FDXACB1: variants seen among roughly 807,000 people sequenced by gnomAD.
The protein encoded by FDXACB1 is ferredoxin-fold anticodon binding domain containing 1.
Under a neutral mutation model 51.7 loss-of-function variants are expected in FDXACB1, and 41 were observed. The observed-to-expected ratio is 0.79, with a 90% CI of 0.62 to 1.03. The LOEUF is 1.03. FDXACB1 is among the 50% of genes least tolerant of loss of function. The probability of loss-of-function intolerance (pLI) is 0.00; values close to 1 mark genes in which losing one functional copy is unlikely to be tolerated. For synonymous variants in FDXACB1, 273 were observed against 278.6 expected (o/e 0.98, Z 0.20); for missense variants, 697 against 746.4 (o/e 0.93, Z 0.77).
rs375155546 is a variant in FDXACB1 at position 111,875,393 on chromosome 11, C to T, written c.1404G>A (p.Gly468=). 9.3e-6 allele frequency: 15 copies of T among 1,613,646 alleles called. No individual in the cohort carries two copies. The African/African-American group carries it at 1.3e-4, about 14-fold the overall frequency. ...SPDCTEDLII[G]SVITSATSVI... ...CACTAGTGGCAGATGTGATAACAGA[C>T]CCAATAATTAGATCCTCAGTACAAT... The change falls in exon 5 of 5, where the codon GGG becomes GGA. Residue 468 remains glycine (G), a synonymous_variant. Coordinates refer to ENST00000260257, the MANE Select transcript of FDXACB1 (RefSeq NM_138378.3).
At position 111,878,571 on chromosome 11, in the gene FDXACB1, G is replaced by A; in HGVS notation, c.314C>T (p.Ala105Val). Residue 105 changes from alanine (A) to valine (V), a missense_variant, in exon 2 of 5, where the codon GCC (alanine) becomes GTC (valine). By Grantham distance (64) the Ala-to-Val change is moderately conservative. Coordinates refer to ENST00000260257, the MANE Select transcript of FDXACB1 (RefSeq NM_138378.3). ...AGVAKNRELL[A>V]KFFQSCADVL... ...CTTTCCTCACCTTTGGAAAAATTTG[G>A]CAAGCAGTTCCCTGTTCTTAGCTAC... 6.3e-7 allele frequency: 1 copy of A among 1,593,308 alleles called. No individual in the cohort carries two copies. The highest frequency in any genetic ancestry group is 1.1e-5 in the South Asian group (1 of 87,840).
In FDXACB1 at chr11:111,879,086, A is replaced by G; in HGVS notation, c.47T>C (p.Phe16Ser). The change falls in exon 1 of 5, where the codon TTC becomes TCC. Residue 16 changes from phenylalanine (F) to serine (S), a missense_variant. Physicochemically the swap from Phe to Ser is radical, Grantham distance 155. This residue lies in a region of FDXACB1 where 153 missense variants were observed against 133.5 expected (regional missense o/e 1.15). Coordinates refer to ENST00000260257, the MANE Select transcript of FDXACB1 (RefSeq NM_138378.3). The stretch of plus-strand genomic sequence containing the variant: ...CAGGGTTTCGCTCAGAGCGGCGGCG[A>G]AGGAGAAATTCCCCTCCCCAACCAA... ...LLLVGEGNFS[F>S]AAALSETLDQ... The G allele has an allele frequency of 1.2e-6, 2 of 1,613,184 alleles. No homozygotes were observed. The highest frequency in any genetic ancestry group is 1.7e-6 in the Non-Finnish European group (2 of 1,179,634).
At position 111,878,221 on chromosome 11, in the gene FDXACB1, AT is replaced by A. The variant is rs575494634; in HGVS notation, c.329+334del. Among the ~76,000 whole-genome samples the A allele has an allele frequency of 7.9e-5, 12 of 152,232 alleles. No homozygotes were observed. The East Asian group carries it at 1.4e-3, about 17-fold the overall frequency. ...AATAAAAATAAATAAAAATAAAAAA[AT>A]AACAACTGTTAAGTGGTGGGCTGGG... On this transcript the variant is annotated intron_variant, in intron 2 of 4. Coordinates refer to ENST00000260257, the MANE Select transcript of FDXACB1 (RefSeq NM_138378.3).
Position 111,876,939 on chromosome 11 carries a change from C to T in FDXACB1, c.402G>A (p.Ala134=), listed in dbSNP as rs782270703. 16 of 1,609,382 alleles carry T rather than the reference C, an allele frequency of 9.9e-6. No individual in the cohort carries two copies. The highest frequency in any genetic ancestry group is 3.4e-5 in the Admixed American group (2 of 59,226). Residue 134 remains alanine, a synonymous_variant, in exon 3 of 5, where the codon GCG becomes GCA. Transcript: ENST00000260257. ...ALCRGQGGTP[A]DKPQREWHNS... ...TGTGCCATTCTCTCTGGGGCTTATCCGCAGGAGTTCCACCTTGTCCTCTAC... is the reference window on the plus strand; with the variant it reads ...TGTGCCATTCTCTCTGGGGCTTATCTGCAGGAGTTCCACCTTGTCCTCTAC...
At position 111,875,443 on chromosome 11, in the gene FDXACB1, C is replaced by G. The variant is rs1365199954; in HGVS notation, c.1354G>C (p.Val452Leu). The G allele has an allele frequency of 6.2e-7, 1 of 1,613,164 alleles. No individual in the cohort carries two copies. Among genetic ancestry groups the G allele is most frequent in the Non-Finnish European group, 8.5e-7 (1 of 1,179,820 alleles). The change falls in exon 5 of 5, where the codon GTG becomes CTG. Residue 452 changes from valine (V) to leucine (L), a missense_variant. Val to Leu is a conservative substitution (Grantham distance 32). This residue lies in a region of FDXACB1 where 538 missense variants were observed against 592.2 expected (regional missense o/e 0.91). Transcript: ENST00000260257. ...TCTGGGCTAAAATTATGAGTCTTCA[C>G]ACGAATCATATAATCCTTTCCATTT... is the stretch of plus-strand genomic sequence containing the variant. ...QSNGKDYMIR[V>L]KTHNFSPDCT...
rs1555162073 is a variant in FDXACB1 at position 111,875,907 on chromosome 11, T to C, written c.890A>G (p.Asn297Ser). ...AAFWISLHEDNSNSESLTGGT... is the reference protein window; with the variant it reads ...AAFWISLHEDSSNSESLTGGT... ...ACCAGTCAGGGACTCAGAATTTGAG[T>C]TATCTTCATGGAGACTAATCCAAAA... Residue 297 changes from asparagine to serine, a missense_variant, in exon 5 of 5, where the codon AAC becomes AGC. By Grantham distance (46) the Asn-to-Ser change is conservative. This residue lies in a region of FDXACB1 where 538 missense variants were observed against 592.2 expected (regional missense o/e 0.91). Coordinates refer to ENST00000260257, the MANE Select transcript of FDXACB1 (RefSeq NM_138378.3). The C allele has an allele frequency of 6.2e-7, 1 of 1,613,924 alleles. No homozygotes were observed. The highest frequency in any genetic ancestry group is 8.5e-7 in the Non-Finnish European group (1 of 1,179,904).
chr11:111,875,397 A>G lies in FDXACB1; in HGVS notation c.1400T>C (p.Ile467Thr), dbSNP rs182775518. ...FSPDCTEDLI[I>T]GSVITSATSV... Reference sequence around the variant, plus strand: ...AGTGGCAGATGTGATAACAGACCCAATAATTAGATCCTCAGTACAATCTGG... The same window carrying G: ...AGTGGCAGATGTGATAACAGACCCAGTAATTAGATCCTCAGTACAATCTGG... The change falls in exon 5 of 5, where the codon ATT (isoleucine) becomes ACT (threonine). Residue 467 changes from isoleucine to threonine, a missense_variant. By Grantham distance (89) the Ile-to-Thr change is moderately conservative (BLOSUM62 -1). Around this residue, in one of 3 missense-constraint regions of FDXACB1, gnomAD observed 538 missense variants for 592.2 expected, o/e 0.91. Coordinates refer to ENST00000260257, the MANE Select transcript of FDXACB1 (RefSeq NM_138378.3). 2.5e-6 allele frequency: 4 copies of G among 1,613,774 alleles called. No individual in the cohort carries two copies. Among genetic ancestry groups the G allele is most frequent in the East Asian group, 4.5e-5 (2 of 44,880 alleles).
rs782260461 is a variant in FDXACB1 at position 111,879,007 on chromosome 11, A to C, written c.126T>G (p.Ala42=). The change falls in exon 1 of 5, where the codon GCT becomes GCG. Residue 42 remains alanine, a synonymous_variant. Transcript: ENST00000260257. ...GATTCTCCCAGGCCAGTGGATCCCG[A>C]GCCAACTCGGCCGGGCGCTGGAGGC... is the stretch of plus-strand genomic sequence containing the variant. ...ATCLQRPAEL[A]RDPLAWENLQ... is the part of the protein sequence containing the mutation. 2 of 1,612,720 alleles carry C rather than the reference A, an allele frequency of 1.2e-6. No homozygotes were observed. The highest frequency in any genetic ancestry group is 1.7e-6 in the Non-Finnish European group (2 of 1,179,518).
Position 111,878,622 on chromosome 11 carries a change from A to C in FDXACB1, c.263T>G (p.Phe88Cys). Residue 88 changes from phenylalanine to cysteine, a missense_variant, in exon 2 of 5, where the codon TTC becomes TGC. Around this residue, in one of 3 missense-constraint regions of FDXACB1, gnomAD observed 153 missense variants for 133.5 expected, o/e 1.15. Transcript: ENST00000260257. ...GCCAGCTTTGCGTCCACAATGCGGG[A>C]AGATGAAATAAATTTGATCAAATTC... ...EREFDQIYFI[F>C]PHCGRKAGVA... is the part of the protein sequence containing the mutation. 2 of 1,604,902 alleles carry C rather than the reference A, an allele frequency of 1.2e-6. No individual in the cohort carries two copies. The highest frequency in any genetic ancestry group is 1.7e-4 in the Middle Eastern group (1 of 6,054).
At position 111,874,624 on chromosome 11, in the gene FDXACB1, A is replaced by T; in HGVS notation, c.*298T>A. On this transcript the variant is annotated 3_prime_UTR_variant, in exon 5 of 5. Transcript: ENST00000260257. ...AAAAAAATTAGCCAGGCGTGGTGGC[A>T]GGTGCCTGTAGTCCCAGCTACTCGG... 4.0e-6 allele frequency: 1 copy of T among 251,472 alleles called. No individual in the cohort carries two copies. Among genetic ancestry groups the T allele is most frequent in the Non-Finnish European group, 7.6e-6 (1 of 131,608 alleles). The allele number at this position is 251,472 out of a possible 1,614,324, so 15.6% of individuals were successfully genotyped here.
At position 111,875,937 on chromosome 11, in the gene FDXACB1, G is replaced by A; in HGVS notation, c.860C>T (p.Ala287Val). The change falls in exon 5 of 5, where the codon GCT (alanine) becomes GTT (valine). Residue 287 changes from alanine (A) to valine (V), a missense_variant. Transcript: ENST00000260257. ...LPFWNCDFLS[A>V]AFWISLHEDN... ...TTCATGGAGACTAATCCAAAAAGCA[G>A]CTGACAGAAAGTCACAATTCCAGAA... is the stretch of plus-strand genomic sequence containing the variant. 2.5e-6 allele frequency: 4 copies of A among 1,613,920 alleles called. No homozygotes were observed. The highest frequency in any genetic ancestry group is 3.4e-6 in the Non-Finnish European group (4 of 1,179,886).
At chr11:111,878,879 T>C in intron 1 of FDXACB1, 82 bp downstream of exon 1, 1 of 1,532,652 alleles carries the variant, frequency 6.5e-7, no homozygotes, top group East Asian at 2.4e-5. Context: ...TCCACGTGGG[T>C]TACATCCCCA....
intron 2 of FDXACB1, among the ~76,000 whole-genome samples, chr11:111,877,512 CTTT>C (rs35506169): frequency 0.011 from 1,213 of 106,804 alleles, 8 homozygotes; most frequent in African/African-American, 0.039. Flanking sequence ...CTGTTAGTTA[CTTT>C]TTTTTTTTTT....
Position 111,874,785 on chromosome 11 carries a change from AC to A in FDXACB1, c.*136del. The A allele has an allele frequency of 1.3e-6, 1 of 764,604 alleles. No individual in the cohort carries two copies. Among genetic ancestry groups the A allele is most frequent in the Non-Finnish European group, 2.0e-6 (1 of 489,082 alleles). The allele number at this position is 764,604 out of a possible 1,614,324, so 47.4% of individuals were successfully genotyped here. Reference sequence around the variant, plus strand: ...CAAAAAAAAAAAAAAAAAAAGATCAACGAACAGTAGCTATGGTCACAAAGTA... The same window carrying A: ...CAAAAAAAAAAAAAAAAAAAGATCAAGAACAGTAGCTATGGTCACAAAGTA... On this transcript the variant is annotated 3_prime_UTR_variant, in exon 5 of 5. Transcript: ENST00000260257.
chr11:111,874,930 G>GTA lies in FDXACB1; in HGVS notation c.1865_1866dup (p.Pro623TyrfsTer38), dbSNP rs1964775815. 6.2e-7 allele frequency: 1 copy of GTA among 1,613,530 alleles called. No individual in the cohort carries two copies. The highest frequency in any genetic ancestry group is 1.1e-5 in the South Asian group (1 of 91,064). On this transcript the variant is annotated frameshift_variant, in exon 5 of 5. Coordinates refer to ENST00000260257, the MANE Select transcript of FDXACB1 (RefSeq NM_138378.3). LOFTEE classifies it high-confidence loss of function. ...GAAAAGGATTTACCAAACTACCGAG[G>GTA]TATAACATATAGGTGTTGTTGAATC...
At chr11:111,878,867 T>C (rs1964881130) in intron 1 of FDXACB1, 94 bp downstream of exon 1, 1 of 1,528,076 alleles carries the variant, frequency 6.5e-7, no homozygotes, top group African/African-American at 1.4e-5. Flanking sequence ...TCAAGAACAA[T>C]CTCCACGTGG....
chr11:111,877,395 T>C (rs1964837446), intron 2 of FDXACB1, among the ~76,000 whole-genome samples: 1 of 152,194 alleles, frequency 6.6e-6, no homozygotes, highest in South Asian at 2.1e-4. Flanking sequence ...ACCACCTCTG[T>C]CAAAACTTTA....
In FDXACB1 at chr11:111,876,561, T is replaced by A; in HGVS notation, c.612A>T (p.Gln204His). The change falls in exon 4 of 5, where the codon CAA (glutamine) becomes CAT (histidine). Residue 204 changes from glutamine (Q) to histidine (H), a missense_variant. Gln to His is a conservative substitution (Grantham distance 24, BLOSUM62 0). Around this residue, in one of 3 missense-constraint regions of FDXACB1, gnomAD observed 538 missense variants for 592.2 expected, o/e 0.91. Transcript: ENST00000260257. ...FTRSLPFEGS[Q>H]PRIFRIKLGN... The stretch of plus-strand genomic sequence containing the variant: ...CCAGTTTGATCCTGAAGATTCTGGG[T>A]TGAGAACCTTCAAAAGGTAAGCTCC... The A allele has an allele frequency of 6.2e-7, 1 of 1,614,034 alleles. No individual in the cohort carries two copies. Among genetic ancestry groups the A allele is most frequent in the Non-Finnish European group, 8.5e-7 (1 of 1,179,880 alleles).
At position 111,874,877 on chromosome 11, in the gene FDXACB1, A is replaced by T; in HGVS notation, c.*45T>A. On this transcript the variant is annotated 3_prime_UTR_variant, in exon 5 of 5. Transcript: ENST00000260257. ...TTGCAAGTTGGTAATTTTCCTCCAC[A>T]TCCCCCGCAATGAAGGATCACACTG... 2 of 1,538,146 alleles carry T rather than the reference A, an allele frequency of 1.3e-6. No homozygotes were observed. Among genetic ancestry groups the T allele is most frequent in the Non-Finnish European group, 1.8e-6 (2 of 1,128,836 alleles).
Sources: allele counts gnomAD v4.1 joint callset (sites outside exome capture counted in the v4.1 genomes callset), GRCh38; gene constraint gnomAD v4.1.1; regional missense constraint gnomAD v4.1.1; transcripts MANE v1.5; gene names NCBI Gene and HGNC (gene_info 2026-07-23, HGNC 2026-07-21).